Variants in GLRA2 observed in about 807,000 individuals in gnomAD.
GLRA2 encodes the protein glycine receptor subunit alpha-2.
A neutral mutation model predicts 31.6 loss-of-function variants in GLRA2; 11 were observed. That is an observed-to-expected ratio of 0.35 (90% CI 0.22 to 0.58). The LOEUF (loss-of-function observed/expected upper bound fraction) is 0.58. Ranked by LOEUF, GLRA2 falls within the 20% of genes least tolerant of loss-of-function variation. The probability of loss-of-function intolerance (pLI) is 0.84; values close to 1 mark genes in which losing one functional copy is unlikely to be tolerated. For synonymous variants in GLRA2, 132 were observed against 134.0 expected (o/e 0.99, Z 0.10); for missense variants, 212 against 351.8 (o/e 0.60, Z 3.18).
At chrX:14,460,486 T>C in the GLRA2 span, among the ~76,000 whole-genome samples, 1 of 112,036 alleles carries the variant, frequency 8.9e-6, no homozygotes, top group East Asian at 2.8e-4. Flanking sequence ...AATTTGGCTG[T>C]GCATCCATCT....
the GLRA2 span, among the ~76,000 whole-genome samples, chrX:14,456,240 C>A: frequency 0.051 from 5,593 of 110,327 alleles, 341 homozygotes; most frequent in African/African-American, 0.18. Flanking sequence ...TAATTGACAC[C>A]TAACATTTAT....
chrX:14,724,770 G>A (rs2091911977), intron 8 of GLRA2, among the ~76,000 whole-genome samples: 2 of 110,243 alleles, frequency 1.8e-5, no homozygotes, highest in Admixed American at 2.0e-4. Flanking sequence ...TTTTTCTTTT[G>A]GAAAAATTGC....
At chrX:14,602,352 G>GTTGTTTGT (rs368812932) in intron 4 of GLRA2, among the ~76,000 whole-genome samples, 3,178 of 104,218 alleles carry the variant, frequency 0.03, 58 homozygotes, top group Middle Eastern at 0.049. Flanking sequence ...TGTACAAACC[G>GTTGTTTGT]TTGTTTGTTT....
chrX:14,503,391 C>T, the GLRA2 span, among the ~76,000 whole-genome samples: 6,709 of 111,145 alleles, frequency 0.06, 525 homozygotes, highest in African/African-American at 0.21. Flanking sequence ...CTCCACTTTC[C>T]GACGATTAGT....
At chrX:14,527,391 C>T (rs748876434), upstream of GLRA2, among the ~76,000 whole-genome samples, 7 of 111,406 alleles carry the variant, frequency 6.3e-5, no homozygotes, top group South Asian at 1.1e-3. Context: ...CTGAGGTGGG[C>T]GAATCACAAG....
At chrX:14,619,614 A>G (rs760832166) in intron 7 of GLRA2, among the ~76,000 whole-genome samples, 1 of 110,736 alleles carries the variant, frequency 9.0e-6, no homozygotes, top group African/African-American at 3.3e-5. Context: ...TTATCTTCTC[A>G]GCAAAGCCTG....
chrX:14,615,063 A>C (rs771803358), intron 7 of GLRA2, among the ~76,000 whole-genome samples: 3 of 111,767 alleles, frequency 2.7e-5, no homozygotes, highest in African/African-American at 9.7e-5. Context: ...TTTAGTAAAA[A>C]TGCTGAGGCA....
the GLRA2 span, among the ~76,000 whole-genome samples, chrX:14,490,690 ATCT>A: frequency 8.9e-6 from 1 of 111,856 alleles, no homozygotes. Context: ...AACAATGAAA[ATCT>A]TCTGTCATTG....
At chrX:14,550,509 G>C (rs746950364) in intron 2 of GLRA2, among the ~76,000 whole-genome samples, 1 of 110,440 alleles carries the variant, frequency 9.1e-6, no homozygotes, top group Admixed American at 9.6e-5. Context: ...CCAATGATCT[G>C]TATTTTCTTG....
At chrX:14,603,096 G>T (rs868104668) in intron 4 of GLRA2, among the ~76,000 whole-genome samples, 1,268 of 72,255 alleles carry the variant, frequency 0.018, 22 homozygotes, top group African/African-American at 0.056. Flanking sequence ...TTTTTTTTTT[G>T]ACTTTTTTGA....
the GLRA2 span, among the ~76,000 whole-genome samples, chrX:14,506,562 G>A: frequency 1.8e-5 from 2 of 111,627 alleles, no homozygotes; most frequent in Admixed American, 9.5e-5. Context: ...CTAATTCCCC[G>A]GCCAAAGGCC....
At chrX:14,564,035 T>C (rs1360589850) in intron 2 of GLRA2, among the ~76,000 whole-genome samples, 1 of 111,022 alleles carries the variant, frequency 9.0e-6, no homozygotes, top group Non-Finnish European at 1.9e-5. Context: ...AAAGAATATA[T>C]GAATAAAAAA....
intron 7 of GLRA2, among the ~76,000 whole-genome samples, chrX:14,677,666 G>T (rs1262363701): frequency 2.7e-5 from 3 of 111,757 alleles, no homozygotes; most frequent in South Asian, 3.7e-4. Context: ...TTTGGGACTG[G>T]GTAATTATTT....
At chrX:14,726,637 T>A (rs1460677237) in intron 8 of GLRA2, among the ~76,000 whole-genome samples, 1 of 112,638 alleles carries the variant, frequency 8.9e-6, no homozygotes, top group East Asian at 2.8e-4. Context: ...ACAGTTTGCA[T>A]GACGATGTAC....
the GLRA2 span, among the ~76,000 whole-genome samples, chrX:14,466,743 T>C: frequency 5.4e-5 from 6 of 112,147 alleles, no homozygotes; most frequent in Admixed American, 4.7e-4. Context: ...TTTAGTATCC[T>C]GAGGAAAATC....
chrX:14,604,584 GTGTGTGTGTC>G (rs1471185276), intron 5 of GLRA2, among the ~76,000 whole-genome samples, 187 bp downstream of exon 5: 1 of 103,582 alleles, frequency 9.7e-6, no homozygotes, highest in East Asian at 3.0e-4. Context: ...GTGTGTGTGT[GTGTGTGTGTC>G]ATACAAAATC....
chrX:14,582,175 G>A (rs1337722602), intron 4 of GLRA2, among the ~76,000 whole-genome samples: 4 of 97,020 alleles, frequency 4.1e-5, no homozygotes. Context: ...CCACTAACTC[G>A]TCATCTAGTA....
At chrX:14,546,234 A>G (rs2089477894) in intron 2 of GLRA2, among the ~76,000 whole-genome samples, 1 of 111,936 alleles carries the variant, frequency 8.9e-6, no homozygotes. Flanking sequence ...CTCTCCCAAC[A>G]TAAAAGGAAT....
chrX:14,534,132 C>T (rs1277198141), intron 2 of GLRA2, among the ~76,000 whole-genome samples: 1 of 110,084 alleles, frequency 9.1e-6, no homozygotes, highest in Non-Finnish European at 1.9e-5. Context: ...CCGGGGATAT[C>T]ACCTTTGGGA....
Sources: allele counts gnomAD v4.1 joint callset (sites outside exome capture counted in the v4.1 genomes callset), GRCh38; gene constraint gnomAD v4.1.1; transcripts MANE v1.5; gene names NCBI Gene and HGNC (gene_info 2026-07-23, HGNC 2026-07-21).